Variants in DCN observed in about 807,000 individuals in gnomAD.
DCN encodes the protein bone proteoglycan II.
In DCN, 17 loss-of-function variants were observed where a neutral mutation model predicts 36.5. The ratio of observed to expected loss-of-function variants is 0.47; its 90% CI spans 0.32 to 0.70. The LOEUF (loss-of-function observed/expected upper bound fraction) is 0.70. DCN is among the 30% of genes least tolerant of loss of function. The probability of loss-of-function intolerance (pLI) is 0.04; values close to 1 mark genes in which losing one functional copy is unlikely to be tolerated. For synonymous variants in DCN, 163 were observed against 161.4 expected (o/e 1.01, Z -0.07); for missense variants, 389 against 430.1 (o/e 0.90, Z 0.84).
intron 2 of DCN, among the ~76,000 whole-genome samples, chr12:91,169,164 A>T (rs1052899567): frequency 6.6e-5 from 10 of 152,126 alleles, no homozygotes; most frequent in African/African-American, 2.2e-4. Flanking sequence ...TTGGAATCTC[A>T]GACAGGTGGA....
intron 2 of DCN, chr12:91,169,494 A>G (rs1054432474): frequency 6.6e-6 from 1 of 150,602 alleles, no homozygotes; most frequent in Non-Finnish European, 1.5e-5. Context: ...TGGCTATTTT[A>G]TTTGAGAGCT....
rs749620072 is a variant in DCN at position 91,146,032 on chromosome 12, T to C, written c.*26A>G. The C allele has an allele frequency of 1.1e-5, 17 of 1,592,780 alleles. No homozygotes were observed. In the Admixed American group the frequency reaches 2.7e-4, roughly 25 times the overall value. On this transcript the variant is annotated 3_prime_UTR_variant, in exon 8 of 8. Transcript: ENST00000052754. Reference sequence around the variant, plus strand: ...TGACATTAACAAGATTTTGCCAGGTTATAAAAATGAGGGCTTTCTTGAGAA... The same window carrying C: ...TGACATTAACAAGATTTTGCCAGGTCATAAAAATGAGGGCTTTCTTGAGAA...
At chr12:91,168,372 G>A (rs1882721208) in intron 2 of DCN, among the ~76,000 whole-genome samples, 1 of 151,940 alleles carries the variant, frequency 6.6e-6, no homozygotes, top group African/African-American at 2.4e-5. Flanking sequence ...CAGTAATCTT[G>A]CACCTCTAAA....
At chr12:91,171,951 C>G (rs1328926943) in intron 2 of DCN, among the ~76,000 whole-genome samples, 4 of 151,674 alleles carry the variant, frequency 2.6e-5, no homozygotes, top group Non-Finnish European at 4.4e-5. Context: ...CATTGAGCAG[C>G]CTTATTTAAC....
intron 5 of DCN, among the ~76,000 whole-genome samples, chr12:91,155,853 C>T (rs1049928948): frequency 1.3e-5 from 2 of 152,060 alleles, no homozygotes; most frequent in Non-Finnish European, 2.9e-5. Context: ...GCTCTGTATT[C>T]AAAAGACTAG....
intron 3 of DCN, among the ~76,000 whole-genome samples, chr12:91,163,980 T>G (rs937249985): frequency 6.6e-6 from 1 of 152,182 alleles, no homozygotes; most frequent in African/African-American, 2.4e-5. Context: ...AGAATTAAGA[T>G]CTAAAGTATT....
intron 7 of DCN, among the ~76,000 whole-genome samples, chr12:91,146,995 C>G (rs1041942267): frequency 3.3e-5 from 5 of 152,146 alleles, no homozygotes; most frequent in African/African-American, 1.2e-4. Context: ...CTTTTGCCTT[C>G]CTAAATTTTA....
rs763531572 is a variant in DCN, at chr12:91,151,757, T to C, written c.782A>G (p.Asp261Gly). ...GLSFNSISAVDNGSLANTPHL... is the reference protein window; with the variant it reads ...GLSFNSISAVGNGSLANTPHL... ...AGGCGTGTTGGCCAGAGAGCCATTGTCAACAGCAGAGATGCTGTTGAAACT... is the reference window on the plus strand; with the variant it reads ...AGGCGTGTTGGCCAGAGAGCCATTGCCAACAGCAGAGATGCTGTTGAAACT... Residue 261 changes from aspartate to glycine, a missense_variant, in exon 7 of 8, where the codon GAC becomes GGC. Coordinates refer to ENST00000052754, the MANE Select transcript of DCN (RefSeq NM_001920.5). 8.7e-6 allele frequency: 14 copies of C among 1,614,116 alleles called. No homozygotes were observed. Among genetic ancestry groups the C allele is most frequent in the Non-Finnish European group, 1.2e-5 (14 of 1,179,966 alleles).
chr12:91,168,182 C>G (rs1478403200), intron 2 of DCN, among the ~76,000 whole-genome samples: 1 of 152,184 alleles, frequency 6.6e-6, no homozygotes, highest in East Asian at 1.9e-4. Context: ...TAATGCTGAT[C>G]TACAGCTATT....
intron 3 of DCN, among the ~76,000 whole-genome samples, chr12:91,163,006 A>G (rs933721858): frequency 6.6e-6 from 1 of 152,188 alleles, no homozygotes; most frequent in Non-Finnish European, 1.5e-5. Context: ...ACCAGACTCA[A>G]TGCTTCAGAG....
intron 7 of DCN, among the ~76,000 whole-genome samples, chr12:91,147,863 T>A (rs559176733): frequency 6.6e-6 from 1 of 151,846 alleles, no homozygotes; most frequent in Non-Finnish European, 1.5e-5. Flanking sequence ...TTAATCAGAG[T>A]TTTTTTTCTG....
chr12:91,148,188 C>T (rs968519633), intron 7 of DCN, among the ~76,000 whole-genome samples: 15 of 152,038 alleles, frequency 9.9e-5, no homozygotes, highest in Admixed American at 2.6e-4. Flanking sequence ...ATTCTCCTGC[C>T]TCAGCCTCCC....
intron 2 of DCN, among the ~76,000 whole-genome samples, chr12:91,174,183 T>C (rs1883151291): frequency 6.6e-6 from 1 of 152,174 alleles, no homozygotes; most frequent in African/African-American, 2.4e-5. Flanking sequence ...AATATTGGTT[T>C]GGAGAACATT....
intron 2 of DCN, chr12:91,176,080 T>A (rs1426963281): frequency 6.6e-6 from 1 of 152,146 alleles, no homozygotes; most frequent in African/African-American, 2.4e-5. Context: ...GTTAAAAACA[T>A]GAAATGAGTT....
chr12:91,152,153 T>C (rs959252326), intron 6 of DCN, among the ~76,000 whole-genome samples: 1 of 152,200 alleles, frequency 6.6e-6, no homozygotes, highest in African/African-American at 2.4e-5. Flanking sequence ...TTTATTTGTA[T>C]ATTTAATAAA....
Position 91,145,816 on chromosome 12 carries a change from T to A in DCN, c.*242A>T. ...TTTTACATTTAGTGAAATAAGAATATCTCTAGTAGCTCAGTTAACATCAAC... is the reference window on the plus strand; with the variant it reads ...TTTTACATTTAGTGAAATAAGAATAACTCTAGTAGCTCAGTTAACATCAAC... On this transcript the variant is annotated 3_prime_UTR_variant, in exon 8 of 8. Transcript: ENST00000052754. 1 of 516,232 alleles carries A rather than the reference T, an allele frequency of 1.9e-6. No homozygotes were observed. The highest frequency in any genetic ancestry group is 2.2e-5 in the South Asian group (1 of 45,988). 32.0% of individuals were successfully genotyped at this position (516,232 alleles called of 1,614,324 possible). A position where few individuals can be genotyped will look rare whatever the true frequency, so the allele number is the denominator to read the frequency against.
At position 91,178,393 on chromosome 12, in the gene DCN, A is replaced by T; in HGVS notation, c.160T>A (p.Cys54Ser). ...AGATGGCATTGACAGCGGAAGGGGCACACTGGGCCTAGGGAGGGCTCGAAG... is the reference window on the plus strand; with the variant it reads ...AGATGGCATTGACAGCGGAAGGGGCTCACTGGGCCTAGGGAGGGCTCGAAG... Reference protein sequence around the residue: ...RDFEPSLGPVCPFRCQCHLRV... With the variant: ...RDFEPSLGPVSPFRCQCHLRV... The change falls in exon 2 of 8, where the codon TGC (cysteine) becomes AGC (serine). Residue 54 changes from cysteine (C) to serine (S), a missense_variant. Coordinates refer to ENST00000052754, the MANE Select transcript of DCN (RefSeq NM_001920.5). 1 of 1,614,050 alleles carries T rather than the reference A, an allele frequency of 6.2e-7. No homozygotes were observed. Among genetic ancestry groups the T allele is most frequent in the East Asian group, 2.2e-5 (1 of 44,846 alleles).
At chr12:91,177,401 T>C (rs1883356806) in intron 2 of DCN, 1 of 582,336 alleles carries the variant, frequency 1.7e-6, no homozygotes, top group Non-Finnish European at 3.0e-6. Context: ...CTGATCATAG[T>C]ATGGAATTTC....
intron 3 of DCN, among the ~76,000 whole-genome samples, chr12:91,159,050 A>G (rs1425197896): frequency 6.6e-6 from 1 of 152,090 alleles, no homozygotes. Context: ...ACATAAACAT[A>G]CATGCACTCT....
Sources: gnomAD v4.1 joint callset for allele counts (sites outside exome capture counted in the v4.1 genomes callset) on GRCh38, gnomAD v4.1.1 for gene constraint, MANE v1.5 for transcripts, NCBI Gene and HGNC (gene_info 2026-07-23, HGNC 2026-07-21) for gene names.